UNC80: variants seen among roughly 807,000 people sequenced by gnomAD.
The protein encoded by UNC80 is unc-80 subunit of NALCN channel complex.
UNC80 carries 164 observed loss-of-function variants against 384.6 expected under a neutral mutation model. The observed-to-expected ratio is 0.43, with a 90% confidence interval of 0.38 to 0.49. UNC80 has a LOEUF of 0.49. Ranked by LOEUF, UNC80 falls within the 20% of genes least tolerant of loss-of-function variation. The pLI is 0.00. For missense variants in UNC80, 3,330 were observed against 4,143.0 expected (o/e 0.80, Z 5.39); for synonymous variants, 1,486 against 1,527.8 (o/e 0.97, Z 0.64).
chr2:209,797,636 G>A (rs1425226835), intron 7 of UNC80, among the ~76,000 whole-genome samples: 1 of 152,108 alleles, frequency 6.6e-6, no homozygotes, highest in Admixed American at 6.5e-5. Flanking sequence ...ATAAACATAT[G>A]TGTGCATGTG....
At position 209,894,018 on chromosome 2, in the gene UNC80, G is replaced by A. The variant is rs146417605; in HGVS notation, c.4277-145G>A. ...CCTTCCTGGTGGTTCCTGCAGGACT[G>A]GGGGCTTGGGAGAAGCTCCTTGTCC... On this transcript the variant is annotated intron_variant, in intron 26 of 64. Transcript: ENST00000673920. 7.7e-4 allele frequency: 275 copies of A among 359,336 alleles called. 1 individual carries two copies. Among genetic ancestry groups the A allele is most frequent in the African/African-American group, 5.8e-3 (265 of 45,446 alleles). 22.3% of individuals were successfully genotyped at this position (359,336 alleles called of 1,614,324 possible). A position where few individuals can be genotyped will look rare whatever the true frequency, so the allele number is the denominator to read the frequency against.
rs2076685478 is a variant in UNC80 at position 209,773,285 on chromosome 2, T to G, written c.141+143T>G. 1.1e-5 allele frequency: 8 copies of G among 730,640 alleles called. No homozygotes were observed. In the South Asian group the frequency reaches 1.5e-4, roughly 14 times the overall value. The allele number at this position is 730,640 out of a possible 1,614,324, so 45.3% of individuals were successfully genotyped here. On this transcript the variant is annotated intron_variant, in intron 2 of 64. Coordinates refer to ENST00000673920, the MANE Select transcript of UNC80 (RefSeq NM_001371986.1). Reference sequence around the variant, plus strand: ...ATCACCCACTCTGTGCCAGGCACAATTCTCTGTGCTGGAATAGAACAATGA... The same window carrying G: ...ATCACCCACTCTGTGCCAGGCACAAGTCTCTGTGCTGGAATAGAACAATGA...
At chr2:209,956,253 G>A (rs1280724840) in intron 48 of UNC80, among the ~76,000 whole-genome samples, 1 of 196 alleles carries the variant, frequency 5.1e-3, no homozygotes, top group Non-Finnish European at 0.015. Context: ...TTATTTGGTA[G>A]TAGTTACTCA....
chr2:209,861,016 T>C (rs2083308746), intron 22 of UNC80, among the ~76,000 whole-genome samples: 1 of 152,246 alleles, frequency 6.6e-6, no homozygotes, highest in Non-Finnish European at 1.5e-5. Flanking sequence ...TGACTTCCTC[T>C]CTTCCTATTT....
intron 28 of UNC80, among the ~76,000 whole-genome samples, chr2:209,899,520 T>G (rs958241543): frequency 6.6e-6 from 1 of 152,146 alleles, no homozygotes; most frequent in African/African-American, 2.4e-5. Flanking sequence ...GGGCTCTAGT[T>G]GATGTTTTCT....
chr2:209,972,739 G>A (rs1017453441), intron 55 of UNC80, among the ~76,000 whole-genome samples: 2 of 152,196 alleles, frequency 1.3e-5, no homozygotes, highest in African/African-American at 4.8e-5. Context: ...CTTCTTAGGG[G>A]TAGAGGGATT....
At position 209,890,068 on chromosome 2, in the gene UNC80, A is replaced by G. The variant is rs555957150; in HGVS notation, c.4276+1808A>G. Among the ~76,000 whole-genome samples, 10 of 152,260 alleles carry G rather than the reference A, an allele frequency of 6.6e-5. No homozygotes were observed. In the East Asian group the frequency reaches 1.4e-3, roughly 21 times the overall value. On this transcript the variant is annotated intron_variant, in intron 26 of 64. Transcript: ENST00000673920. ...GAAGTAGTTTACTATTATTATTATT[A>G]TATATCATTCTTGTGCAATCCTATA...
At chr2:209,995,285 A>G in intron 64 of UNC80, 44 bp from the exon 65 acceptor site, 1 of 1,543,968 alleles carries the variant, frequency 6.5e-7, no homozygotes, top group Non-Finnish European at 8.8e-7. Flanking sequence ...CTTCTCTGGT[A>G]CCCATCCTAT....
At chr2:209,968,213 T>C (rs1164335317) in intron 52 of UNC80, 2 of 152,340 alleles carry the variant, frequency 1.3e-5, no homozygotes, top group Non-Finnish European at 2.9e-5. Context: ...TATTAATTGG[T>C]AGCCTACATA....
At chr2:209,890,193 A>G (rs2086200674) in intron 26 of UNC80, among the ~76,000 whole-genome samples, 1 of 147,616 alleles carries the variant, frequency 6.8e-6, no homozygotes, top group South Asian at 2.1e-4. Context: ...CAGTTATCTA[A>G]TATGTCTATG....
In UNC80 at chr2:209,976,254, G is replaced by A. The variant is rs1255262851; in HGVS notation, c.8723G>A (p.Arg2908Gln). 1.9e-6 allele frequency: 3 copies of A among 1,551,548 alleles called. No individual in the cohort carries two copies. Among genetic ancestry groups the A allele is most frequent in the Non-Finnish European group, 2.6e-6 (3 of 1,147,006 alleles). ...ALWDFLDFIV[R>Q]TRIPIFVLLR... The stretch of plus-strand genomic sequence containing the variant: ...TGGGATTTCCTCGACTTCATCGTGC[G>A]GACCCGAATACCCATCTTTGTGCTT... Residue 2908 changes from arginine (R) to glutamine (Q), a missense_variant, in exon 57 of 65, where the codon CGG becomes CAG. This residue lies in a region of UNC80 where 1,049 missense variants were observed against 1,488.6 expected (regional missense o/e 0.70). Coordinates refer to ENST00000673920, the MANE Select transcript of UNC80 (RefSeq NM_001371986.1). The surrounding 1 kb of genome is among the most constrained non-coding windows in gnomAD (Gnocchi z 4.3).
intron 34 of UNC80, 119 bp from the exon 35 acceptor site, chr2:209,922,133 C>G: frequency 8.4e-7 from 1 of 1,194,722 alleles, no homozygotes; most frequent in Non-Finnish European, 1.1e-6. Context: ...TAAGTACACT[C>G]AAAATTATTT....
At chr2:209,962,184 A>G (rs917920845) in intron 51 of UNC80, among the ~76,000 whole-genome samples, 11 of 152,182 alleles carry the variant, frequency 7.2e-5, no homozygotes, top group Admixed American at 1.3e-4. Flanking sequence ...TTTACACAGA[A>G]AGATGGGGGA....
chr2:209,975,696 G>T (rs904116430), intron 56 of UNC80, among the ~76,000 whole-genome samples: 1 of 152,128 alleles, frequency 6.6e-6, no homozygotes, highest in Non-Finnish European at 1.5e-5. Flanking sequence ...AAAGAAAAAA[G>T]GAAAAGATTT....
intron 22 of UNC80, among the ~76,000 whole-genome samples, chr2:209,866,058 G>A (rs183197770): frequency 7.5e-6 from 1 of 133,732 alleles, no homozygotes; most frequent in Admixed American, 6.9e-5. Flanking sequence ...TTACTAAAAC[G>A]TTCTTAGCAT....
At chr2:209,896,871 A>C (rs2086849880) in intron 28 of UNC80, among the ~76,000 whole-genome samples, 1 of 152,184 alleles carries the variant, frequency 6.6e-6, no homozygotes, top group Non-Finnish European at 1.5e-5. Context: ...CAGAGGGCAC[A>C]GGCAGGAGGT....
chr2:209,956,045 A>T (rs557336727), intron 48 of UNC80, among the ~76,000 whole-genome samples: 1 of 151,530 alleles, frequency 6.6e-6, no homozygotes, highest in Non-Finnish European at 1.5e-5. Flanking sequence ...TACTCAGCCT[A>T]TTTCTCCTCA....
At chr2:209,890,166 A>G (rs2124909988) in intron 26 of UNC80, among the ~76,000 whole-genome samples, 1 of 152,276 alleles carries the variant, frequency 6.6e-6, no homozygotes, top group South Asian at 2.1e-4. Context: ...TAAATGTCTT[A>G]ATTACTTTTC....
chr2:209,947,615 G>A (rs923509523), intron 47 of UNC80, among the ~76,000 whole-genome samples: 4 of 152,092 alleles, frequency 2.6e-5, no homozygotes, highest in Non-Finnish European at 5.9e-5. Context: ...GTCTCAGTAA[G>A]GTCAGGGTTT....
Sources: allele counts gnomAD v4.1 joint callset (sites outside exome capture counted in the v4.1 genomes callset), GRCh38; gene constraint gnomAD v4.1.1; regional missense constraint gnomAD v4.1.1; non-coding constraint Gnocchi (gnomAD v3.1); transcripts MANE v1.5; gene names NCBI Gene and HGNC (gene_info 2026-07-23, HGNC 2026-07-21).